Variants in ZNF471 observed in about 807,000 individuals in gnomAD.
ZNF471 encodes the protein zinc finger protein 471.
In ZNF471, 7 loss-of-function variants were observed where a neutral mutation model predicts 13.7. The ratio of observed to expected loss-of-function variants is 0.51; its 90% CI spans 0.29 to 0.96. ZNF471 has a LOEUF of 0.96. Among genes scored for constraint, ZNF471 ranks in the 40% least tolerant of loss-of-function variants. The probability of loss-of-function intolerance (pLI) is 0.08; values close to 1 mark genes in which losing one functional copy is unlikely to be tolerated. For synonymous variants in ZNF471, 218 were observed against 235.6 expected (o/e 0.93, Z 0.68); for missense variants, 663 against 743.3 (o/e 0.89, Z 1.26).
rs923192431 is a variant in ZNF471 at position 56,518,639 on chromosome 19, G to T, written c.256+62G>T. The T allele has an allele frequency of 4.3e-5, 59 of 1,379,046 alleles. 1 individual carries two copies. The highest frequency in any genetic ancestry group is 4.1e-5 in the Non-Finnish European group (40 of 986,944). The allele number at this position is 1,379,046 out of a possible 1,614,324, so 85.4% of individuals were successfully genotyped here. ...ACATAATGGCTCAGCCATTTTTAGA[G>T]GTGATACCTTCTCACTTATGCATCT... On this transcript the variant is annotated intron_variant, in intron 4 of 4. Coordinates refer to ENST00000308031, the MANE Select transcript of ZNF471 (RefSeq NM_020813.4).
chr19:56,518,336 G>T, intron 3 of ZNF471, 146 bp from the exon 4 acceptor site: 2 of 631,002 alleles, frequency 3.2e-6, no homozygotes, highest in South Asian at 3.9e-5. Context: ...GGCTATTCCA[G>T]AGTTTTATGT....
intron 4 of ZNF471, among the ~76,000 whole-genome samples, chr19:56,520,958 C>T (rs1299956293): frequency 2.6e-5 from 4 of 152,210 alleles, no homozygotes; most frequent in African/African-American, 7.2e-5. Flanking sequence ...TGCCACATGG[C>T]TGGGGAGCCC....
chr19:56,508,637 CAG>C lies in ZNF471; in HGVS notation c.-56+720_-56+721del, dbSNP rs201102366. Among the ~76,000 whole-genome samples the C allele has an allele frequency of 0.02, 2,989 of 151,498 alleles. 97 individuals are homozygous for C. The highest frequency in any genetic ancestry group is 0.065 in the African/African-American group (2,699 of 41,240). On this transcript the variant is annotated intron_variant, in intron 1 of 4. Transcript: ENST00000308031. The surrounding 1 kb of genome is among the most constrained non-coding windows in gnomAD (Gnocchi z 4.7). ...TATGCGAGACTAGACTGTGCAAGAA[CAG>C]AGTGTGAGACTGTGGTATGTTAATG...
At chr19:56,511,455 T>C (rs2043810565) in intron 1 of ZNF471, 62 bp from the exon 2 acceptor site, 1 of 1,283,518 alleles carries the variant, frequency 7.8e-7, no homozygotes, top group Non-Finnish European at 1.1e-6. Flanking sequence ...AGTTTTAGGC[T>C]AGTGATTCTG....
In ZNF471 at chr19:56,511,575, A is replaced by G; in HGVS notation, c.4A>G (p.Asn2Asp). ...AAGACCAGAAGAGAAGGCAAAAATG[A>G]ATGTTGAAGTAGTAAAAGTCATGCC... M[N>D]VEVVKVMPQD... The change falls in exon 2 of 5, where the codon AAT (asparagine) becomes GAT (aspartate). Residue 2 changes from asparagine (N) to aspartate (D), a missense_variant. Physicochemically the swap from Asn to Asp is conservative, Grantham distance 23 (BLOSUM62 1). Transcript: ENST00000308031. 1 of 1,613,986 alleles carries G rather than the reference A, an allele frequency of 6.2e-7. No homozygotes were observed. Among genetic ancestry groups the G allele is most frequent in the Non-Finnish European group, 8.5e-7 (1 of 1,179,916 alleles).
Position 56,525,786 on chromosome 19 carries a change from T to C in ZNF471, c.1719T>C (p.Cys573=). The C allele has an allele frequency of 6.2e-7, 1 of 1,614,186 alleles. No homozygotes were observed. The highest frequency in any genetic ancestry group is 8.5e-7 in the Non-Finnish European group (1 of 1,180,034). The change falls in exon 5 of 5, where the codon TGT becomes TGC. Residue 573 remains cysteine, a synonymous_variant. Coordinates refer to ENST00000308031, the MANE Select transcript of ZNF471 (RefSeq NM_020813.4). ...RIHTGEKPYK[C]TECGKAFSDS... is the part of the protein sequence containing the mutation. ...ATACTGGAGAGAAACCCTATAAATG[T>C]ACTGAATGTGGAAAGGCTTTTAGTG...
At position 56,510,688 on chromosome 19, in the gene ZNF471, C is replaced by A. The variant is rs2043798354; in HGVS notation, c.-55-829C>A. ...ACCCTGTATACCCATAATTGTGGCC[C>A]TGTATGACTGCTGTGTATGGAGAGA... is the stretch of plus-strand genomic sequence containing the variant. On this transcript the variant is annotated intron_variant, in intron 1 of 4. Coordinates refer to ENST00000308031, the MANE Select transcript of ZNF471 (RefSeq NM_020813.4). This position sits in a 1 kb window ranked among gnomAD's most constrained non-coding sequence, Gnocchi z 4.3. 16 of 985,516 alleles carry A rather than the reference C, an allele frequency of 1.6e-5. No homozygotes were observed. Among genetic ancestry groups the A allele is most frequent in the Non-Finnish European group, 1.9e-5 (16 of 829,960 alleles). 61.0% of individuals were successfully genotyped at this position (985,516 alleles called of 1,614,324 possible). A position where few individuals can be genotyped will look rare whatever the true frequency, so the allele number is the denominator to read the frequency against.
At chr19:56,509,179 C>A (rs2043776094) in intron 1 of ZNF471, among the ~76,000 whole-genome samples, 1 of 152,116 alleles carries the variant, frequency 6.6e-6, no homozygotes, top group African/African-American at 2.4e-5. Context: ...CTGCCCCATC[C>A]CTCAATCTCC....
chr19:56,524,670 A>T lies in ZNF471; in HGVS notation c.603A>T (p.Val201=). The T allele has an allele frequency of 6.3e-7, 1 of 1,580,164 alleles. No individual in the cohort carries two copies. Among genetic ancestry groups the T allele is most frequent in the Non-Finnish European group, 8.5e-7 (1 of 1,170,906 alleles). The part of the protein sequence containing the change: ...SMVIKHKKVY[V]GKKLFKCNEC... The stretch of plus-strand genomic sequence containing the variant: ...TAATAAAACACAAGAAAGTCTATGT[A>T]GGAAAGAAGCTTTTTAAATGTAATG... The change falls in exon 5 of 5, where the codon GTA becomes GTT. Residue 201 remains valine, a synonymous_variant. Coordinates refer to ENST00000308031, the MANE Select transcript of ZNF471 (RefSeq NM_020813.4). The surrounding 1 kb of genome is among the most constrained non-coding windows in gnomAD (Gnocchi z 4.8).
chr19:56,523,319 G>T (rs2043998275), intron 4 of ZNF471, among the ~76,000 whole-genome samples: 1 of 151,502 alleles, frequency 6.6e-6, no homozygotes, highest in Admixed American at 6.6e-5. Flanking sequence ...CCATGATCAT[G>T]CCACTGCACT....
At position 56,525,882 on chromosome 19, in the gene ZNF471, G is replaced by A; in HGVS notation, c.1815G>A (p.Gly605=). ...GGCCCTATCAGTGTTTTGAATGTGGGAAGGCGTTCAGAAGAAAGTTATCCT... is the reference window on the plus strand; with the variant it reads ...GGCCCTATCAGTGTTTTGAATGTGGAAAGGCGTTCAGAAGAAAGTTATCCT... The part of the protein sequence containing the change: ...GQRPYQCFEC[G]KAFRRKLSLI... Residue 605 remains glycine (G), a synonymous_variant, in exon 5 of 5, where the codon GGG becomes GGA. Coordinates refer to ENST00000308031, the MANE Select transcript of ZNF471 (RefSeq NM_020813.4). The A allele has an allele frequency of 6.3e-7, 1 of 1,595,320 alleles. No homozygotes were observed. Among genetic ancestry groups the A allele is most frequent in the Non-Finnish European group, 8.5e-7 (1 of 1,174,426 alleles).
At position 56,508,310 on chromosome 19, in the gene ZNF471, G is replaced by A. The variant is rs1360427922; in HGVS notation, c.-56+390G>A. ...ATGTTCGTGTGTGACAGAGCGAGAC[G>A]GGCCAGTGTGAGAGACCAGTGAGTG... is the stretch of plus-strand genomic sequence containing the variant. On this transcript the variant is annotated intron_variant, in intron 1 of 4. Coordinates refer to ENST00000308031, the MANE Select transcript of ZNF471 (RefSeq NM_020813.4). The surrounding 1 kb of genome is among the most constrained non-coding windows in gnomAD (Gnocchi z 4.7). 3.3e-5 allele frequency among the ~76,000 whole-genome samples: 5 copies of A among 151,946 alleles called. No individual in the cohort carries two copies. The highest frequency in any genetic ancestry group is 3.2e-3 in the Middle Eastern group (1 of 316).
chr19:56,525,309 G>A lies in ZNF471; in HGVS notation c.1242G>A (p.Ser414=), dbSNP rs3752177. Reference sequence around the variant, plus strand: ...GTGTGTGTGGAAAAACCTTCAGCTCGGGTTCATCCCGTACTGTACATCAGA... The same window carrying A: ...GTGTGTGTGGAAAAACCTTCAGCTCAGGTTCATCCCGTACTGTACATCAGA... ...KCGVCGKTFS[S]GSSRTVHQRI... Residue 414 remains serine (S), a synonymous_variant, in exon 5 of 5, where the codon TCG becomes TCA. Coordinates refer to ENST00000308031, the MANE Select transcript of ZNF471 (RefSeq NM_020813.4). 0.21 allele frequency: 338,765 copies of A among 1,612,342 alleles called. 36,213 individuals are homozygous for A. Among genetic ancestry groups the A allele is most frequent in the Middle Eastern group, 0.24 (1,469 of 6,056 alleles).
In ZNF471 at chr19:56,526,602, G is replaced by A. The variant is rs2044051942; in HGVS notation, c.*654G>A. 1 of 152,346 alleles carries A rather than the reference G, an allele frequency of 6.6e-6. No individual in the cohort carries two copies. The highest frequency in any genetic ancestry group is 1.5e-5 in the Non-Finnish European group (1 of 68,170). The allele number at this position is 152,346 out of a possible 1,614,324, so 9.4% of individuals were successfully genotyped here. On this transcript the variant is annotated 3_prime_UTR_variant, in exon 5 of 5. Coordinates refer to ENST00000308031, the MANE Select transcript of ZNF471 (RefSeq NM_020813.4). Reference sequence around the variant, plus strand: ...TGAGCCCAGCAAGCTAAGATCCACTGGCTTGGAATTCTCCCTGCCAGCACA... The same window carrying A: ...TGAGCCCAGCAAGCTAAGATCCACTAGCTTGGAATTCTCCCTGCCAGCACA...
intron 4 of ZNF471, among the ~76,000 whole-genome samples, chr19:56,520,587 G>C (rs1474480866): frequency 2.0e-5 from 3 of 152,184 alleles, no homozygotes; most frequent in Non-Finnish European, 4.4e-5. Flanking sequence ...ATCTTCTCTA[G>C]AGTGCTGGTG....
rs1042220463 is a variant in ZNF471, at chr19:56,516,232, G to A, written c.34-43G>A. On this transcript the variant is annotated intron_variant, in intron 2 of 4. Coordinates refer to ENST00000308031, the MANE Select transcript of ZNF471 (RefSeq NM_020813.4). The surrounding 1 kb of genome is among the most constrained non-coding windows in gnomAD (Gnocchi z 4.4). ...TTTGGATCAACTCAGAGTTATCTTT[G>A]GACACGAGCATTGGTTGGTTAAGAA... 16 of 1,600,710 alleles carry A rather than the reference G, an allele frequency of 1.0e-5. No homozygotes were observed. Among genetic ancestry groups the A allele is most frequent in the Non-Finnish European group, 1.3e-5 (15 of 1,170,890 alleles).
rs919956081 is a variant in ZNF471, at chr19:56,522,980, C to T, written c.257-1344C>T. Among the ~76,000 whole-genome samples the T allele has an allele frequency of 5.9e-5, 9 of 152,178 alleles. No individual in the cohort carries two copies. Among genetic ancestry groups the T allele is most frequent in the Non-Finnish European group, 4.4e-5 (3 of 68,036 alleles). ...CTAACTTCTGACCTCAGGTGACATG[C>T]CCGCCTTGGCCTCCCAAAGTGCTGG... On this transcript the variant is annotated intron_variant, in intron 4 of 4. Transcript: ENST00000308031. This position sits in a 1 kb window ranked among gnomAD's most constrained non-coding sequence, Gnocchi z 4.1.
At chr19:56,511,388 G>C in intron 1 of ZNF471, 129 bp from the exon 2 acceptor site, 1 of 630,532 alleles carries the variant, frequency 1.6e-6, no homozygotes, top group Non-Finnish European at 2.6e-6. Context: ...GCCCTTCAGT[G>C]GCCATAGGTT....
chr19:56,510,029 CTG>C lies in ZNF471; in HGVS notation c.-55-1487_-55-1486del, dbSNP rs966916777. On this transcript the variant is annotated intron_variant, in intron 1 of 4. Coordinates refer to ENST00000308031, the MANE Select transcript of ZNF471 (RefSeq NM_020813.4). The surrounding 1 kb of genome is among the most constrained non-coding windows in gnomAD (Gnocchi z 4.3). Reference sequence around the variant, plus strand: ...CTGAGAGTTCAGTGATTGGGAGAGACTGGGGTATGTTGGTGTGAGTGTGTGAG... The same window carrying C: ...CTGAGAGTTCAGTGATTGGGAGAGACGGGTATGTTGGTGTGAGTGTGTGAG... 24 of 985,366 alleles carry C rather than the reference CTG, an allele frequency of 2.4e-5. No individual in the cohort carries two copies. Among genetic ancestry groups the C allele is most frequent in the Non-Finnish European group, 2.9e-5 (24 of 830,058 alleles). 61.0% of individuals were successfully genotyped at this position (985,366 alleles called of 1,614,324 possible).
Sources: gnomAD v4.1 joint callset for allele counts (sites outside exome capture counted in the v4.1 genomes callset) on GRCh38, gnomAD v4.1.1 for gene constraint, Gnocchi (gnomAD v3.1) non-coding constraint, MANE v1.5 for transcripts, NCBI Gene and HGNC (gene_info 2026-07-23, HGNC 2026-07-21) for gene names.